The following AGMO variants were observed in gnomAD, a reference collection of about 807,000 sequenced individuals.
The protein encoded by AGMO is glyceryl-ether monooxygenase.
Under a neutral mutation model 60.2 loss-of-function variants are expected in AGMO, and 75 were observed. The observed-to-expected ratio is 1.25, with a 90% CI of 1.03 to 1.51. AGMO has a LOEUF of 1.51. Among genes scored for constraint, AGMO ranks in the 40% most tolerant of loss-of-function variants. The probability of loss-of-function intolerance (pLI) is 0.00; values close to 1 mark genes in which losing one functional copy is unlikely to be tolerated. For synonymous variants in AGMO, 261 were observed against 177.1 expected, an observed-to-expected ratio of 1.47 and a Z score of -3.76; for missense variants, 763 against 525.5, an observed-to-expected ratio of 1.45 and a Z score of -4.42.
chr7:15,203,523 G>A (rs1306647231), intron 12 of AGMO, among the ~76,000 whole-genome samples: 7 of 131,522 alleles, frequency 5.3e-5, no homozygotes, highest in Non-Finnish European at 5.1e-5. Flanking sequence ...TTTTTTGCTT[G>A]CTTGCTTGTT....
intron 3 of AGMO, among the ~76,000 whole-genome samples, chr7:15,516,190 A>G (rs938325817): frequency 6.6e-6 from 1 of 152,178 alleles, no homozygotes; most frequent in East Asian, 1.9e-4. Context: ...GCCAAACATC[A>G]TAATGTTTTA....
At chr7:15,395,802 T>C (rs1399983253) in intron 5 of AGMO, among the ~76,000 whole-genome samples, 1 of 152,204 alleles carries the variant, frequency 6.6e-6, no homozygotes, top group South Asian at 2.1e-4. Flanking sequence ...CTCAGACATA[T>C]CTCTAATACA....
At chr7:15,394,677 AGT>A (rs909073896) in intron 5 of AGMO, among the ~76,000 whole-genome samples, 10 of 152,154 alleles carry the variant, frequency 6.6e-5, no homozygotes, top group African/African-American at 2.4e-4. Flanking sequence ...TAACTAGGAG[AGT>A]GAAAACAACT....
intron 12 of AGMO, among the ~76,000 whole-genome samples, chr7:15,248,395 A>T (rs1214510084): frequency 6.6e-6 from 1 of 151,582 alleles, no homozygotes; most frequent in Non-Finnish European, 1.5e-5. Context: ...GCTATAACAA[A>T]TAAGTATTTT....
chr7:15,334,577 G>C (rs1216899340), intron 12 of AGMO, among the ~76,000 whole-genome samples: 8 of 152,084 alleles, frequency 5.3e-5, no homozygotes, highest in Admixed American at 1.3e-4. Flanking sequence ...CTTCAAAGCA[G>C]AGATATTAAA....
rs183410445 is a variant in AGMO at position 15,217,710 on chromosome 7, G to A, written c.1264-16351C>T. Among the ~76,000 whole-genome samples, 613 of 151,452 alleles carry A rather than the reference G, an allele frequency of 4.0e-3. 5 individuals are homozygous for A. The highest frequency in any genetic ancestry group is 0.018 in the South Asian group (85 of 4,762). On this transcript the variant is annotated intron_variant, in intron 12 of 12. Coordinates refer to ENST00000342526, the MANE Select transcript of AGMO (RefSeq NM_001004320.2). The stretch of plus-strand genomic sequence containing the variant: ...TGCAAGATGAAAATAAATACTTGGA[G>A]ATATGGAAGTTAAAATGAAAAATAC...
intron 12 of AGMO, among the ~76,000 whole-genome samples, chr7:15,344,670 C>T (rs745576846): frequency 1.3e-5 from 2 of 152,126 alleles, no homozygotes; most frequent in Non-Finnish European, 2.9e-5. Context: ...TGCACTCCAG[C>T]CTGGGTGACA....
At chr7:15,407,246 T>C (rs1472472379) in intron 5 of AGMO, among the ~76,000 whole-genome samples, 3 of 146,936 alleles carry the variant, frequency 2.0e-5, no homozygotes, top group Non-Finnish European at 3.0e-5. Context: ...TATATATATA[T>C]ATATGTATAT....
At chr7:15,255,054 C>T (rs374742396) in intron 12 of AGMO, among the ~76,000 whole-genome samples, 4 of 152,162 alleles carry the variant, frequency 2.6e-5, no homozygotes, top group South Asian at 2.1e-4. Context: ...TCATGTCCTT[C>T]GCAGGGACAT....
At chr7:15,289,943 CTTTTTTTT>C (rs36074413) in intron 12 of AGMO, among the ~76,000 whole-genome samples, 11 of 31,352 alleles carry the variant, frequency 3.5e-4, no homozygotes, top group Non-Finnish European at 4.3e-4. Context: ...TTCCAGAAAT[CTTTTTTTT>C]TTTTTTTTTT....
intron 12 of AGMO, among the ~76,000 whole-genome samples, chr7:15,337,190 G>A (rs1583423234): frequency 6.6e-6 from 1 of 152,166 alleles, no homozygotes. Flanking sequence ...AAAGTTTGGA[G>A]TCAAGCATGA....
At chr7:15,438,654 T>C (rs1347915509) in intron 3 of AGMO, among the ~76,000 whole-genome samples, 2 of 152,252 alleles carry the variant, frequency 1.3e-5, no homozygotes, top group Admixed American at 6.5e-5. Context: ...GCAACAGCAA[T>C]CAACATGACG....
intron 3 of AGMO, among the ~76,000 whole-genome samples, chr7:15,520,896 C>A (rs543772848): frequency 2.6e-4 from 40 of 152,052 alleles, no homozygotes; most frequent in Non-Finnish European, 4.9e-4. Context: ...CTTCAAAAAT[C>A]AATGAATACA....
chr7:15,196,183 C>A (rs554116646), downstream of AGMO, among the ~76,000 whole-genome samples: 1 of 151,954 alleles, frequency 6.6e-6, no homozygotes, highest in South Asian at 2.1e-4. Context: ...GCTGGTATTA[C>A]AGGCACCACC....
At chr7:15,488,089 C>T (rs991787871) in intron 3 of AGMO, among the ~76,000 whole-genome samples, 20 of 152,102 alleles carry the variant, frequency 1.3e-4, no homozygotes, top group Admixed American at 1.3e-3. Context: ...ATTGCTGGCC[C>T]ATAAGCAAAG....
chr7:15,171,837 C>T, the AGMO span, among the ~76,000 whole-genome samples: 3 of 152,092 alleles, frequency 2.0e-5, no homozygotes, highest in African/African-American at 7.2e-5. Flanking sequence ...GGGAAAGATT[C>T]ATGCCACAAA....
intron 1 of AGMO, among the ~76,000 whole-genome samples, chr7:15,560,834 A>G (rs1048352960): frequency 2.0e-5 from 3 of 152,166 alleles, no homozygotes; most frequent in African/African-American, 7.2e-5. Context: ...TGTTTCACAT[A>G]ATAAGAGATG....
At chr7:15,258,346 T>C (rs1160436762) in intron 12 of AGMO, among the ~76,000 whole-genome samples, 1 of 152,032 alleles carries the variant, frequency 6.6e-6, no homozygotes, top group Non-Finnish European at 1.5e-5. Context: ...CTTTTTCCTT[T>C]AGTTTTTAGA....
In AGMO at chr7:15,365,499, A is replaced by G. The variant is rs753723290; in HGVS notation, c.1263+15T>C. The G allele has an allele frequency of 6.3e-7, 1 of 1,588,092 alleles. No individual in the cohort carries two copies. The highest frequency in any genetic ancestry group is 2.2e-5 in the East Asian group (1 of 44,644). On this transcript the variant is annotated intron_variant, in intron 12 of 12. Transcript: ENST00000342526. ...GGTATACGCCATCCTGTGGCTACCT[A>G]AACAAATGTCTTACCTCAAAAGCAG...
Sources: allele counts gnomAD v4.1 joint callset (sites outside exome capture counted in the v4.1 genomes callset), GRCh38; gene constraint gnomAD v4.1.1; transcripts MANE v1.5; gene names NCBI Gene and HGNC (gene_info 2026-07-23, HGNC 2026-07-21).